GSTT4: variants seen among roughly 807,000 people sequenced by gnomAD.
GSTT4 encodes the protein glutathione S-transferase theta-4.
At chr22:24,001,527 TG>T (rs2034230469) in intron 2 of GSTT4, among the ~76,000 whole-genome samples, 1 of 152,206 alleles carries the variant, frequency 6.6e-6, no homozygotes, top group African/African-American at 2.4e-5. Context: ...GAGTAGGAGT[TG>T]GGGGCTGGTG....
At chr22:23,992,948 G>T in the GSTT4 span, among the ~76,000 whole-genome samples, 7 of 152,146 alleles carry the variant, frequency 4.6e-5, no homozygotes, top group Admixed American at 1.3e-4. Context: ...CTAATTTTTT[G>T]ACTTTGTAGA....
At chr22:23,993,010 T>C in the GSTT4 span, among the ~76,000 whole-genome samples, 1 of 152,162 alleles carries the variant, frequency 6.6e-6, no homozygotes, top group Non-Finnish European at 1.5e-5. Context: ...TTGGCTCAAG[T>C]GATCCTCCCA....
At chr22:23,991,829 T>C in the GSTT4 span, among the ~76,000 whole-genome samples, 56,026 of 119,152 alleles carry the variant, frequency 0.47, 13,244 homozygotes, top group African/African-American at 0.54. Flanking sequence ...CCGAGGGGGG[T>C]GGATCACGAG....
chr22:24,001,635 T>A (rs892722441), intron 2 of GSTT4, among the ~76,000 whole-genome samples: 1 of 152,268 alleles, frequency 6.6e-6, no homozygotes, highest in Non-Finnish European at 1.5e-5. Flanking sequence ...GGGGCTACTG[T>A]GAGCCAAGAT....
At chr22:24,001,682 A>T (rs1406199503) in intron 2 of GSTT4, among the ~76,000 whole-genome samples, 1 of 152,268 alleles carries the variant, frequency 6.6e-6, no homozygotes, top group Non-Finnish European at 1.5e-5. Context: ...AAAGATCAAG[A>T]TCCTTTTTCA....
At chr22:24,001,692 A>G (rs1166272993) in intron 2 of GSTT4, among the ~76,000 whole-genome samples, 1 of 152,272 alleles carries the variant, frequency 6.6e-6, no homozygotes, top group Non-Finnish European at 1.5e-5. Flanking sequence ...ATCCTTTTTC[A>G]AAAACAAAAA....
At chr22:24,004,286 CT>C (rs1451517755) in intron 1 of GSTT4, 2 of 152,838 alleles carry the variant, frequency 1.3e-5, no homozygotes, top group East Asian at 1.9e-4. Context: ...CAAAGGGAAG[CT>C]TCTCGGACAC....
At chr22:23,995,064 A>C (rs1433058602), downstream of GSTT4, among the ~76,000 whole-genome samples, 2 of 152,152 alleles carry the variant, frequency 1.3e-5, no homozygotes, top group Non-Finnish European at 2.9e-5. Flanking sequence ...TCTAATGGGC[A>C]GACAGCTTCC....
chr22:23,997,266 G>C, downstream of GSTT4, among the ~76,000 whole-genome samples: 1 of 151,764 alleles, frequency 6.6e-6, no homozygotes. Flanking sequence ...GCCCAGGCTG[G>C]AGTGCAGTGG....
downstream of GSTT4, among the ~76,000 whole-genome samples, chr22:23,995,134 T>G (rs868652389): frequency 7.9e-5 from 10 of 126,720 alleles, no homozygotes; most frequent in South Asian, 2.2e-3. Flanking sequence ...TTTTTTTTTG[T>G]TTGTTTGTTT....
At chr22:23,997,672 T>G (rs2034130658), downstream of GSTT4, among the ~76,000 whole-genome samples, 1 of 152,198 alleles carries the variant, frequency 6.6e-6, no homozygotes, top group African/African-American at 2.4e-5. Flanking sequence ...TTCATTTATC[T>G]CCATTCTAAT....
rs982878868 is a variant in GSTT4 at position 23,998,440 on chromosome 22, G to T, written c.*102C>A. 3.6e-5 allele frequency: 5 copies of T among 140,018 alleles called. No individual in the cohort carries two copies. Among genetic ancestry groups the T allele is most frequent in the East Asian group, 4.3e-4 (2 of 4,618 alleles). The allele number at this position is 140,018 out of a possible 1,614,324, so 8.7% of individuals were successfully genotyped here. ...GTTCTTTATTAGGCAAAGAACAGTT[G>T]TTTTTTTGTTTTTTTGTTTTTTTTT... On this transcript the variant is annotated 3_prime_UTR_variant, in exon 5 of 5. Transcript: ENST00000621179.
chr22:24,003,237 G>T (rs900534767), intron 2 of GSTT4, among the ~76,000 whole-genome samples: 4 of 151,888 alleles, frequency 2.6e-5, no homozygotes, highest in Non-Finnish European at 5.9e-5. Flanking sequence ...TTTGAGATGG[G>T]ATCTCACTCT....
At chr22:23,990,475 A>T in the GSTT4 span, among the ~76,000 whole-genome samples, 25 of 87,352 alleles carry the variant, frequency 2.9e-4, no homozygotes, top group South Asian at 5.7e-4. Flanking sequence ...AAAAAAAAGT[A>T]GCTGGGCACG....
downstream of GSTT4, among the ~76,000 whole-genome samples, chr22:23,996,878 A>AT (rs35457909): frequency 7.0e-6 from 1 of 141,864 alleles, no homozygotes. Flanking sequence ...TTCCTGTTTT[A>AT]TTTTTTTGGA....
intron 1 of GSTT4, 79 bp downstream of exon 1, chr22:24,005,166 A>C (rs1235889449): frequency 1.3e-5 from 2 of 152,896 alleles, no homozygotes; most frequent in African/African-American, 4.8e-5. Flanking sequence ...ATCAAAAAAC[A>C]AGAAAAAAAG....
rs587728285 is a variant in GSTT4, at chr22:24,000,704, G to A, written c.352-453C>T. ...GTCCTGAGTAGCTGGGATTACAGGT[G>A]CCCATCACCACACCCAGCTAATAAT... On this transcript the variant is annotated intron_variant, in intron 3 of 4. Transcript: ENST00000621179. Among the ~76,000 whole-genome samples the A allele has an allele frequency of 2.4e-4, 34 of 143,290 alleles. No individual in the cohort carries two copies. In the East Asian group the frequency reaches 6.0e-3, roughly 25 times the overall value. The allele number at this position is 143,290 out of a possible 152,430, so 94.0% of individuals were successfully genotyped here.
chr22:23,992,866 C>G, the GSTT4 span, among the ~76,000 whole-genome samples: 1 of 151,784 alleles, frequency 6.6e-6, no homozygotes, highest in East Asian at 1.9e-4. Context: ...CAGCCTCGAC[C>G]TGGGCTCAAA....
At chr22:23,992,052 CAA>C in the GSTT4 span, among the ~76,000 whole-genome samples, 51 of 71,192 alleles carry the variant, frequency 7.2e-4, 1 homozygote, top group Admixed American at 3.0e-3. Flanking sequence ...TACTCCGTCT[CAA>C]AAAAAAAAAA....
Sources: gnomAD v4.1 joint callset for allele counts (sites outside exome capture counted in the v4.1 genomes callset) on GRCh38, gnomAD v4.1.1 for gene constraint, MANE v1.5 for transcripts, NCBI Gene and HGNC (gene_info 2026-07-23, HGNC 2026-07-21) for gene names.